The following SCARA3 variants were observed in gnomAD, a reference collection of about 807,000 sequenced individuals.
The protein encoded by SCARA3 is cellular stress response gene protein.
SCARA3 carries 39 observed loss-of-function variants against 47.0 expected under a neutral mutation model. The ratio of observed to expected loss-of-function variants is 0.83; its 90% CI spans 0.64 to 1.08. SCARA3 has a LOEUF of 1.08. Ranked by LOEUF, SCARA3 falls within the 50% of genes least tolerant of loss-of-function variation. The pLI is 0.00. For missense variants in SCARA3, 724 were observed against 792.3 expected (o/e 0.91, Z 1.04); for synonymous variants, 356 against 334.1 (o/e 1.07, Z -0.71).
At chr8:27,644,074 TA>T (rs564004725) in intron 1 of SCARA3, among the ~76,000 whole-genome samples, 153 of 144,354 alleles carry the variant, frequency 1.1e-3, no homozygotes, top group Middle Eastern at 3.5e-3. Context: ...AGAGCAGACT[TA>T]AAAAAAAAAA....
At position 27,660,414 on chromosome 8, in the gene SCARA3, AGAT is replaced by A. The variant is rs537480631; in HGVS notation, c.1369+879_1369+881del. ...ATAGTGTATAGATAGATGGATATAT[AGAT>A]GATTGATTGATTGATTGATCCAGAG... On this transcript the variant is annotated intron_variant, in intron 5 of 5. Transcript: ENST00000301904. Among the ~76,000 whole-genome samples, 132 of 152,116 alleles carry A rather than the reference AGAT, an allele frequency of 8.7e-4. 1 individual carries two copies. The highest frequency in any genetic ancestry group is 2.8e-3 in the African/African-American group (117 of 41,478).
At chr8:27,730,067 C>G in the SCARA3 span, among the ~76,000 whole-genome samples, 1 of 152,218 alleles carries the variant, frequency 6.6e-6, no homozygotes, top group East Asian at 1.9e-4. Context: ...CAGTCCTGTT[C>G]CCACCCCCTC....
At chr8:27,708,253 C>T in the SCARA3 span, among the ~76,000 whole-genome samples, 1 of 151,978 alleles carries the variant, frequency 6.6e-6, no homozygotes, top group Non-Finnish European at 1.5e-5. Flanking sequence ...TACAATGGAT[C>T]CTTTGAAAAG....
rs1044213630 is a variant in SCARA3, at chr8:27,672,512, G to A, written c.*1161G>A. ...AACCCCTTGCAACAGGGCAGCTCTC[G>A]CCTCCCGCACACGGCTCTCCTGATC... On this transcript the variant is annotated 3_prime_UTR_variant, in exon 6 of 6. Coordinates refer to ENST00000301904, the MANE Select transcript of SCARA3 (RefSeq NM_016240.3). The A allele has an allele frequency of 2.3e-5, 23 of 985,596 alleles. No individual in the cohort carries two copies. The highest frequency in any genetic ancestry group is 1.4e-4 in the South Asian group (3 of 21,298). 61.1% of individuals were successfully genotyped at this position (985,596 alleles called of 1,614,324 possible).
At chr8:27,731,798 T>C in the SCARA3 span, among the ~76,000 whole-genome samples, 130,649 of 152,174 alleles carry the variant, frequency 0.86, 56,364 homozygotes, top group Non-Finnish European at 0.9. Flanking sequence ...AAATAAAATA[T>C]GAACTTCAGA....
chr8:27,679,594 A>G (rs1025028972), downstream of SCARA3, among the ~76,000 whole-genome samples: 3 of 152,236 alleles, frequency 2.0e-5, no homozygotes, highest in African/African-American at 7.2e-5. Flanking sequence ...ATTTGAGAAG[A>G]TATGAATTAG....
intron 3 of SCARA3, among the ~76,000 whole-genome samples, chr8:27,653,324 C>A (rs1010904016): frequency 1.3e-5 from 2 of 152,182 alleles, no homozygotes; most frequent in African/African-American, 2.4e-5. Context: ...CCATTCCTCA[C>A]GGGAGGGTAC....
chr8:27,670,265 G>T (rs1402783560), intron 5 of SCARA3, among the ~76,000 whole-genome samples: 1 of 152,210 alleles, frequency 6.6e-6, no homozygotes, highest in Non-Finnish European at 1.5e-5. Context: ...GCACAGTCTA[G>T]CAGGGCCCAC....
chr8:27,670,581 T>G (rs543629522), intron 5 of SCARA3, among the ~76,000 whole-genome samples: 24 of 152,264 alleles, frequency 1.6e-4, no homozygotes, highest in African/African-American at 5.8e-4. Flanking sequence ...TCAAAGACCA[T>G]GCATGAGAAG....
chr8:27,718,248 C>T, the SCARA3 span, among the ~76,000 whole-genome samples: 4 of 152,260 alleles, frequency 2.6e-5, no homozygotes, highest in African/African-American at 9.6e-5. Flanking sequence ...GCACTCTGTC[C>T]TCTGGTGACT....
the SCARA3 span, among the ~76,000 whole-genome samples, chr8:27,682,843 A>G: frequency 3.9e-5 from 6 of 152,188 alleles, no homozygotes; most frequent in Non-Finnish European, 8.8e-5. Flanking sequence ...GTATTGATAG[A>G]TAACTACTTT....
chr8:27,671,486 C>T lies in SCARA3; in HGVS notation c.*135C>T. ...AGGGGGCTCCCCAGGGCTGACCCTGCAGCTTTGGGCTCCCCCATAGTGACT... is the reference window on the plus strand; with the variant it reads ...AGGGGGCTCCCCAGGGCTGACCCTGTAGCTTTGGGCTCCCCCATAGTGACT... On this transcript the variant is annotated 3_prime_UTR_variant, in exon 6 of 6. Transcript: ENST00000301904. 1 of 1,303,652 alleles carries T rather than the reference C, an allele frequency of 7.7e-7. No individual in the cohort carries two copies. The highest frequency in any genetic ancestry group is 9.7e-7 in the Non-Finnish European group (1 of 1,031,622). 80.8% of individuals were successfully genotyped at this position (1,303,652 alleles called of 1,614,324 possible).
the SCARA3 span, among the ~76,000 whole-genome samples, chr8:27,717,943 G>T: frequency 6.6e-6 from 1 of 151,924 alleles, no homozygotes; most frequent in Non-Finnish European, 1.5e-5. Flanking sequence ...ATTTCCAACC[G>T]CATCCTCTCA....
the SCARA3 span, among the ~76,000 whole-genome samples, chr8:27,683,083 G>C: frequency 6.6e-6 from 1 of 152,016 alleles, no homozygotes; most frequent in African/African-American, 2.4e-5. Context: ...TAAACAAGTT[G>C]CGGCATACCC....
intron 3 of SCARA3, among the ~76,000 whole-genome samples, chr8:27,653,754 T>G (rs543064614): frequency 3.3e-5 from 5 of 152,254 alleles, no homozygotes; most frequent in Admixed American, 1.3e-4. Context: ...AAGAGCATAC[T>G]GGGGACCAAG....
chr8:27,705,851 G>A, the SCARA3 span, among the ~76,000 whole-genome samples: 1 of 152,242 alleles, frequency 6.6e-6, no homozygotes, highest in Non-Finnish European at 1.5e-5. Context: ...CTTTCTGTAA[G>A]AAGGAACATC....
chr8:27,673,129 C>G (rs1221812635), downstream of SCARA3: 1 of 398,904 alleles, frequency 2.5e-6, no homozygotes, highest in Non-Finnish European at 3.4e-6. Flanking sequence ...CCCAAAAATT[C>G]AATCTCACTG....
chr8:27,633,971 C>A lies in SCARA3; in HGVS notation c.-230C>A, dbSNP rs1441606224. 1.9e-5 allele frequency: 4 copies of A among 211,842 alleles called. No homozygotes were observed. In the Admixed American group the frequency reaches 2.4e-4, roughly 13 times the overall value. The allele number at this position is 211,842 out of a possible 1,614,324, so 13.1% of individuals were successfully genotyped here. A position where few individuals can be genotyped will look rare whatever the true frequency, so the allele number is the denominator to read the frequency against. On this transcript the variant is annotated 5_prime_UTR_variant, in exon 1 of 6. Coordinates refer to ENST00000301904, the MANE Select transcript of SCARA3 (RefSeq NM_016240.3). ...GCGCGCTCTGGGCGGCGGGGCGCGG[C>A]GCTAGGCGCCCGGCGGGGCTTCCCC...
At chr8:27,678,561 A>C (rs1433236142), downstream of SCARA3, among the ~76,000 whole-genome samples, 3 of 152,082 alleles carry the variant, frequency 2.0e-5, no homozygotes, top group Non-Finnish European at 4.4e-5. Flanking sequence ...CCACAAAACA[A>C]CTCCACACCC....
Sources: allele counts gnomAD v4.1 joint callset (sites outside exome capture counted in the v4.1 genomes callset), GRCh38; gene constraint gnomAD v4.1.1; transcripts MANE v1.5; gene names NCBI Gene and HGNC (gene_info 2026-07-23, HGNC 2026-07-21).